The following RFC3 variants were observed in gnomAD, a reference collection of about 807,000 sequenced individuals.
RFC3 encodes the protein A1 38 kDa subunit.
Under a neutral mutation model 45.1 loss-of-function variants are expected in RFC3, and 41 were observed. The ratio of observed to expected loss-of-function variants is 0.91; its 90% confidence interval spans 0.71 to 1.18. The LOEUF is 1.18. Ranked by LOEUF, RFC3 falls within the 50% of genes most tolerant of loss-of-function variation. The pLI is 0.00. For synonymous variants in RFC3, 149 were observed against 144.0 expected (o/e 1.03, Z -0.25); for missense variants, 423 against 428.1 (o/e 0.99, Z 0.10).
downstream of RFC3, among the ~76,000 whole-genome samples, chr13:33,838,788 T>C (rs186778694): frequency 1.3e-5 from 2 of 152,312 alleles, no homozygotes; most frequent in Admixed American, 6.5e-5. Flanking sequence ...TTCCCTTTTT[T>C]CCCTGTCTGG....
intron 1 of RFC3, among the ~76,000 whole-genome samples, chr13:33,819,925 G>T (rs1311552055): frequency 6.6e-6 from 1 of 152,166 alleles, no homozygotes; most frequent in Admixed American, 6.5e-5. Flanking sequence ...TGGGACACTT[G>T]CCATTTTCCA....
chr13:33,897,198 A>G (rs2082605706), intron 8 of RFC3, among the ~76,000 whole-genome samples: 2 of 152,134 alleles, frequency 1.3e-5, no homozygotes, highest in Non-Finnish European at 2.9e-5. Flanking sequence ...AATAGCTATA[A>G]CAACCAGTTA....
In RFC3 at chr13:33,879,564, C is replaced by T. The variant is rs185434842; in HGVS notation, c.879+44347C>T. Among the ~76,000 whole-genome samples the T allele has an allele frequency of 5.9e-5, 9 of 152,238 alleles. No individual in the cohort carries two copies. The East Asian group carries it at 1.7e-3, about 29-fold the overall frequency. The stretch of plus-strand genomic sequence containing the variant: ...AAACTAAAACAAAAAACTTCCAAGA[C>T]TTAAAGTATCACTAATACTTTTACA... On this transcript the variant is annotated intron_variant, in intron 8 of 8. Transcript: ENST00000434425.
intron 8 of RFC3, among the ~76,000 whole-genome samples, chr13:33,949,069 T>C (rs890711716): frequency 3.9e-5 from 6 of 152,158 alleles, no homozygotes; most frequent in African/African-American, 1.2e-4. Context: ...TGGAATGATA[T>C]GGTTCATCTC....
intron 8 of RFC3, among the ~76,000 whole-genome samples, chr13:33,860,070 T>A (rs2082331320): frequency 6.6e-6 from 1 of 152,122 alleles, no homozygotes; most frequent in Admixed American, 6.6e-5. Flanking sequence ...AAGGTGGTCA[T>A]CTGCAAGCCA....
intron 8 of RFC3, among the ~76,000 whole-genome samples, chr13:33,851,045 A>G (rs754932515): frequency 9.9e-5 from 15 of 152,210 alleles, no homozygotes; most frequent in African/African-American, 3.1e-4. Context: ...AAGCAAGCCA[A>G]AACCCTCCAT....
In RFC3 at chr13:33,830,804, G is replaced by A; in HGVS notation, c.659G>A (p.Cys220Tyr). Residue 220 changes from cysteine (C) to tyrosine (Y), a missense_variant, in exon 6 of 9, where the codon TGT becomes TAT. Cys to Tyr is a radical substitution (Grantham distance 194). Coordinates refer to ENST00000380071, the MANE Select transcript of RFC3 (RefSeq NM_002915.4). ...QLAHRLAEKS[C>Y]RNLRKALLMC... Reference sequence around the variant, plus strand: ...GCTCATAGACTTGCAGAGAAGTCTTGTAGAAATCTCAGAAAAGCCCTGCTT... The same window carrying A: ...GCTCATAGACTTGCAGAGAAGTCTTATAGAAATCTCAGAAAAGCCCTGCTT... 2 of 1,613,422 alleles carry A rather than the reference G, an allele frequency of 1.2e-6. No individual in the cohort carries two copies. The highest frequency in any genetic ancestry group is 1.1e-5 in the South Asian group (1 of 91,050).
chr13:33,953,852 A>G (rs1450842277), intron 8 of RFC3, among the ~76,000 whole-genome samples: 1 of 152,218 alleles, frequency 6.6e-6, no homozygotes, highest in Non-Finnish European at 1.5e-5. Context: ...GCATAAAACT[A>G]AAAACCTACT....
intron 8 of RFC3, among the ~76,000 whole-genome samples, chr13:33,916,656 G>A (rs2082735216): frequency 6.6e-6 from 1 of 152,140 alleles, no homozygotes; most frequent in Non-Finnish European, 1.5e-5. Context: ...GTAGATGTCT[G>A]TGTGTCTGTG....
At chr13:33,950,475 AG>A (rs1390987803) in intron 8 of RFC3, among the ~76,000 whole-genome samples, 1 of 152,238 alleles carries the variant, frequency 6.6e-6, no homozygotes, top group East Asian at 1.9e-4. Context: ...GAGACTCTCT[AG>A]GGGTCTGCAA....
chr13:33,935,418 T>G (rs1384945953), intron 8 of RFC3, among the ~76,000 whole-genome samples: 1 of 152,198 alleles, frequency 6.6e-6, no homozygotes, highest in Non-Finnish European at 1.5e-5. Flanking sequence ...AGAGATTGGA[T>G]GAAATTAAAT....
At chr13:33,917,151 G>T (rs2082738641) in intron 8 of RFC3, among the ~76,000 whole-genome samples, 1 of 152,108 alleles carries the variant, frequency 6.6e-6, no homozygotes. Context: ...CCCCAGTAAA[G>T]GCCTTGAGTC....
chr13:33,901,812 C>A (rs1725839752), intron 8 of RFC3, among the ~76,000 whole-genome samples: 1 of 151,908 alleles, frequency 6.6e-6, no homozygotes. Context: ...ATTAATATAT[C>A]TTTTATGCAT....
chr13:33,924,537 G>A (rs992516696), intron 8 of RFC3, among the ~76,000 whole-genome samples: 1 of 151,526 alleles, frequency 6.6e-6, no homozygotes, highest in Non-Finnish European at 1.5e-5. Context: ...AACATTTACT[G>A]TTTGGCCCTA....
chr13:33,894,945 A>G (rs2082588234), intron 8 of RFC3, among the ~76,000 whole-genome samples: 2 of 152,164 alleles, frequency 1.3e-5, no homozygotes, highest in African/African-American at 4.8e-5. Context: ...ACACTGGATA[A>G]TTCACACGTA....
At chr13:33,956,152 C>A (rs1360219601) in intron 8 of RFC3, among the ~76,000 whole-genome samples, 1 of 152,184 alleles carries the variant, frequency 6.6e-6, no homozygotes, top group African/African-American at 2.4e-5. Context: ...TCTATCTTGC[C>A]TCCTCTTGGA....
downstream of RFC3, among the ~76,000 whole-genome samples, chr13:33,970,772 C>T (rs1032573637): frequency 2.0e-5 from 3 of 152,192 alleles, no homozygotes; most frequent in Non-Finnish European, 1.5e-5. Context: ...TCCTGCTGAG[C>T]GCATACACAC....
chr13:33,943,574 G>A (rs1327236285), intron 8 of RFC3, among the ~76,000 whole-genome samples: 3 of 152,138 alleles, frequency 2.0e-5, no homozygotes, highest in Non-Finnish European at 4.4e-5. Flanking sequence ...TTGTGTGCAT[G>A]TGTTCAAATA....
At chr13:33,916,483 C>G (rs966760504) in intron 8 of RFC3, among the ~76,000 whole-genome samples, 2 of 152,086 alleles carry the variant, frequency 1.3e-5, no homozygotes, top group Non-Finnish European at 2.9e-5. Flanking sequence ...TCAGATTTCA[C>G]CTGGGTAGAA....
Sources: gnomAD v4.1 joint callset for allele counts (sites outside exome capture counted in the v4.1 genomes callset) on GRCh38, gnomAD v4.1.1 for gene constraint, MANE v1.5 for transcripts, NCBI Gene and HGNC (gene_info 2026-07-23, HGNC 2026-07-21) for gene names.